SVIL: variants seen among roughly 807,000 people sequenced by gnomAD.
The protein encoded by SVIL is archvillin.
Under a neutral mutation model 240.4 loss-of-function variants are expected in SVIL, and 101 were observed. That is an observed-to-expected ratio of 0.42 (90% CI 0.36 to 0.50). The LOEUF is 0.50. SVIL is among the 20% of genes least tolerant of loss of function. SVIL has a pLI of 0.01. For missense variants in SVIL, 2,512 were observed against 2,818.7 expected, an observed-to-expected ratio of 0.89 and a Z score of 2.46; for synonymous variants, 999 against 1,100.0, an observed-to-expected ratio of 0.91 and a Z score of 1.82.
intron 17 of SVIL, among the ~76,000 whole-genome samples, chr10:29,509,484 A>G (rs1195369723): frequency 2.6e-5 from 4 of 152,130 alleles, no homozygotes; most frequent in Non-Finnish European, 4.4e-5. Flanking sequence ...GAGGGTGTGT[A>G]AAATGGGGAA....
In SVIL at chr10:29,550,833, C is replaced by G. The variant is rs1564623996; in HGVS notation, c.591G>C (p.Glu197Asp). Reference protein sequence around the residue: ...LHVGDGSSDPEVLLNIENQRR... With the variant: ...LHVGDGSSDPDVLLNIENQRR... ...TTTGGTTTTCTATGTTCAGCAGCACCTCCGGGTCGGAAGAGCCGTCACCCA... is the reference window on the plus strand; with the variant it reads ...TTTGGTTTTCTATGTTCAGCAGCACGTCCGGGTCGGAAGAGCCGTCACCCA... Residue 197 changes from glutamate to aspartate, a missense_variant, in exon 6 of 38, where the codon GAG (glutamate) becomes GAC (aspartate). Glu to Asp is a conservative substitution (Grantham distance 45). Coordinates refer to ENST00000355867, the MANE Select transcript of SVIL (RefSeq NM_021738.3). 6.2e-7 allele frequency: 1 copy of G among 1,614,122 alleles called. No individual in the cohort carries two copies. Among genetic ancestry groups the G allele is most frequent in the Admixed American group, 1.7e-5 (1 of 60,018 alleles).
At position 29,480,639 on chromosome 10, in the gene SVIL, T is replaced by C; in HGVS notation, c.5275A>G (p.Ile1759Val). 6.2e-7 allele frequency: 1 copy of C among 1,614,218 alleles called. No individual in the cohort carries two copies. The highest frequency in any genetic ancestry group is 8.5e-7 in the Non-Finnish European group (1 of 1,180,032). The change falls in exon 29 of 38, where the codon ATC (isoleucine) becomes GTC (valine). Residue 1759 changes from isoleucine (I) to valine (V), a missense_variant. Physicochemically the swap from Ile to Val is conservative, Grantham distance 29 (BLOSUM62 3). Coordinates refer to ENST00000355867, the MANE Select transcript of SVIL (RefSeq NM_021738.3). The part of the protein sequence containing the change: ...ITSVSVDVWH[I>V]LEFDYSRLPK... ...AGCCTGCTATAGTCGAATTCCAGGA[T>C]GTGCCAGACATCCACGGAAACGCTG...
intron 6 of SVIL, among the ~76,000 whole-genome samples, chr10:29,539,485 T>C (rs940663545): frequency 8.5e-5 from 13 of 152,290 alleles, no homozygotes; most frequent in African/African-American, 2.9e-4. Flanking sequence ...ATCCCTGAGG[T>C]TGGCTATGAC....
intron 1 of SVIL, among the ~76,000 whole-genome samples, chr10:29,622,047 G>A (rs1957667941): frequency 6.6e-6 from 1 of 151,344 alleles, no homozygotes; most frequent in African/African-American, 2.4e-5. Flanking sequence ...TCAGGAGATC[G>A]AGACCATCCT....
intron 1 of SVIL, among the ~76,000 whole-genome samples, chr10:29,687,207 G>T (rs1418806176): frequency 1.3e-5 from 2 of 152,140 alleles, no homozygotes; most frequent in African/African-American, 4.8e-5. Context: ...ATTCGATTCC[G>T]CACTGATAAT....
intron 5 of SVIL, 148 bp from the exon 6 acceptor site, chr10:29,551,411 T>C: frequency 1.3e-6 from 1 of 755,122 alleles, no homozygotes; most frequent in Non-Finnish European, 2.1e-6. Context: ...TTGCCTAAAC[T>C]GATTATTTAC....
At chr10:29,654,185 T>C (rs192831387) in intron 3 of SVIL, among the ~76,000 whole-genome samples, 1 of 152,328 alleles carries the variant, frequency 6.6e-6, no homozygotes, top group South Asian at 2.1e-4. Flanking sequence ...GGAATGTTTT[T>C]CCAGTTATTT....
intron 1 of SVIL, among the ~76,000 whole-genome samples, chr10:29,694,373 C>A (rs1299074045): frequency 6.6e-6 from 1 of 151,932 alleles, no homozygotes; most frequent in Non-Finnish European, 1.5e-5. Flanking sequence ...TGCACTCCAA[C>A]CTGGATGACA....
chr10:29,638,202 C>T (rs553050613), upstream of SVIL, among the ~76,000 whole-genome samples: 5 of 152,280 alleles, frequency 3.3e-5, no homozygotes, highest in South Asian at 1.0e-3. Context: ...TGGCTCACAC[C>T]TGTAATCCCA....
intron 2 of SVIL, among the ~76,000 whole-genome samples, chr10:29,674,977 A>G (rs1196542527): frequency 1.3e-5 from 2 of 152,226 alleles, no homozygotes; most frequent in East Asian, 3.8e-4. Context: ...TGGATAGTCC[A>G]GGATAATCTC....
At chr10:29,647,518 A>T (rs1176656365) in intron 3 of SVIL, among the ~76,000 whole-genome samples, 2 of 152,194 alleles carry the variant, frequency 1.3e-5, no homozygotes, top group Admixed American at 1.3e-4. Flanking sequence ...AAAGTGAAAT[A>T]AAAAATTAAG....
chr10:29,560,827 A>G (rs1468059702), intron 3 of SVIL, among the ~76,000 whole-genome samples: 1 of 146,388 alleles, frequency 6.8e-6, no homozygotes, highest in African/African-American at 2.6e-5. Context: ...AATTCAGGGG[A>G]CATGGGGCAC....
intron 36 of SVIL, among the ~76,000 whole-genome samples, chr10:29,459,508 A>G (rs994051113): frequency 7.2e-5 from 11 of 152,224 alleles, no homozygotes; most frequent in African/African-American, 2.7e-4. Context: ...ATTAAAAAAT[A>G]ACCTGAAAAG....
At chr10:29,513,298 C>T (rs1008267794) in intron 16 of SVIL, among the ~76,000 whole-genome samples, 3 of 152,278 alleles carry the variant, frequency 2.0e-5, no homozygotes, top group South Asian at 4.2e-4. Context: ...TGGCCAGGCA[C>T]GGTGGCTTCC....
chr10:29,683,695 T>A (rs1022615433), intron 2 of SVIL, among the ~76,000 whole-genome samples: 1 of 152,184 alleles, frequency 6.6e-6, no homozygotes, highest in African/African-American at 2.4e-5. Flanking sequence ...TTTGATCACA[T>A]CTTCTCCCTC....
chr10:29,600,031 G>T (rs916422697), intron 1 of SVIL, among the ~76,000 whole-genome samples: 2 of 151,878 alleles, frequency 1.3e-5, no homozygotes, highest in Non-Finnish European at 2.9e-5. Flanking sequence ...GGCTGGATGA[G>T]ATTTTTTTGA....
At position 29,614,966 on chromosome 10, in the gene SVIL, T is replaced by G. The variant is rs560781661; in HGVS notation, c.-201+19454A>C. On this transcript the variant is annotated intron_variant, in intron 1 of 37. Transcript: ENST00000355867. ...CTATCTGATCCTCATAACAACTCTA[T>G]GTGATATGTACTACTATCATTCCCA... Among the ~76,000 whole-genome samples, 4 of 152,318 alleles carry G rather than the reference T, an allele frequency of 2.6e-5. No individual in the cohort carries two copies. In the East Asian group the frequency reaches 5.8e-4, roughly 22 times the overall value.
At chr10:29,552,133 A>C (rs987234717) in intron 5 of SVIL, among the ~76,000 whole-genome samples, 28 of 151,844 alleles carry the variant, frequency 1.8e-4, no homozygotes, top group African/African-American at 6.3e-4. Flanking sequence ...ACAAAACAAA[A>C]AAAAAAACCT....
At chr10:29,499,865 C>T (rs1440322081) in intron 17 of SVIL, among the ~76,000 whole-genome samples, 1 of 152,210 alleles carries the variant, frequency 6.6e-6, no homozygotes, top group Non-Finnish European at 1.5e-5. Flanking sequence ...AACTGTGAGA[C>T]ATCTGATGTT....
Sources: gnomAD v4.1 joint callset for allele counts (sites outside exome capture counted in the v4.1 genomes callset) on GRCh38, gnomAD v4.1.1 for gene constraint, MANE v1.5 for transcripts, NCBI Gene and HGNC (gene_info 2026-07-23, HGNC 2026-07-21) for gene names.